The following KDM2A variants were observed in gnomAD, a reference collection of about 807,000 sequenced individuals.
The protein encoded by KDM2A is lysine-specific demethylase 2A.
Under a neutral mutation model 137.3 loss-of-function variants are expected in KDM2A, and 3 were observed. The observed-to-expected ratio is 0.02, with a 90% CI of 0.01 to 0.06. The LOEUF is 0.06. Among genes scored for constraint, KDM2A ranks in the 10% least tolerant of loss-of-function variants. The pLI is 1.00. For missense variants in KDM2A, 738 were observed against 1,510.6 expected (o/e 0.49, Z 8.48); for synonymous variants, 512 against 541.5 (o/e 0.95, Z 0.76).
At position 67,240,228 on chromosome 11, in the gene KDM2A, G is replaced by C. The variant is rs768241136; in HGVS notation, c.1480-2781G>C. On this transcript the variant is annotated intron_variant, in intron 12 of 20. Coordinates refer to ENST00000529006, the MANE Select transcript of KDM2A (RefSeq NM_012308.3). ...GCCCTATGTGCTCTGGGAGATTCCA[G>C]AATATTCAAGTAAATCCGGATTTTC... 70 of 1,535,480 alleles carry C rather than the reference G, an allele frequency of 4.6e-5. No homozygotes were observed. In the South Asian group the frequency reaches 7.7e-4, roughly 17 times the overall value.
intron 2 of KDM2A, among the ~76,000 whole-genome samples, chr11:67,155,804 C>T (rs908651013): frequency 9.3e-5 from 14 of 150,086 alleles, no homozygotes; most frequent in Admixed American, 6.0e-4. Context: ...TTAGTATAGA[C>T]GGGGTTTCTC....
rs921321640 is a variant in KDM2A, at chr11:67,192,433, C to CTTTTTTTTTTT, written c.307+10559_307+10569dup. Among the ~76,000 whole-genome samples the CTTTTTTTTTTT allele has an allele frequency of 1.4e-4, 10 of 70,558 alleles. 1 individual carries two copies. The highest frequency in any genetic ancestry group is 2.6e-4 in the Non-Finnish European group (9 of 35,240). The allele number at this position is 70,558 out of a possible 152,430, so 46.3% of individuals were successfully genotyped here. ...ATGGACATTTACTTTGTTTCCATTT[C>CTTTTTTTTTTT]TTTTTTTTTTTTTTTTTTTTTTTTT... On this transcript the variant is annotated intron_variant, in intron 5 of 20. Transcript: ENST00000529006.
At chr11:67,243,132 C>T (rs377089276) in intron 13 of KDM2A, 40 bp downstream of exon 13, 1 of 1,460,476 alleles carries the variant, frequency 6.8e-7, no homozygotes, top group Non-Finnish European at 9.6e-7. Context: ...CTGCTTAAGC[C>T]TTTTGTTAGT....
At chr11:67,157,484 C>CTT (rs1004570970) in intron 2 of KDM2A, among the ~76,000 whole-genome samples, 2 of 151,808 alleles carry the variant, frequency 1.3e-5, no homozygotes, top group Admixed American at 1.3e-4. Flanking sequence ...GTGGCTCACG[C>CTT]TTGTAATCCT....
intron 2 of KDM2A, among the ~76,000 whole-genome samples, chr11:67,179,757 C>T (rs1236027604): frequency 6.6e-6 from 1 of 152,160 alleles, no homozygotes; most frequent in Non-Finnish European, 1.5e-5. Context: ...AGTTTGTGCC[C>T]ACTCTGATAA....
At chr11:67,181,453 G>A (rs1275367295) in intron 4 of KDM2A, 55 bp downstream of exon 4, 2 of 1,200,160 alleles carry the variant, frequency 1.7e-6, no homozygotes, top group East Asian at 4.8e-5. Flanking sequence ...GTTACACCCA[G>A]GGCAATAAAC....
intron 2 of KDM2A, among the ~76,000 whole-genome samples, chr11:67,130,478 G>A (rs540137790): frequency 1.3e-5 from 2 of 152,230 alleles, no homozygotes; most frequent in South Asian, 2.1e-4. Context: ...GTCCTAAACT[G>A]TGCCTAGGTT....
chr11:67,143,860 T>C (rs1856180356), intron 2 of KDM2A, among the ~76,000 whole-genome samples: 2 of 152,100 alleles, frequency 1.3e-5, no homozygotes, highest in African/African-American at 4.8e-5. Context: ...TCAAACTCTT[T>C]ACTTCAAGTG....
chr11:67,212,427 A>G (rs561610872), intron 6 of KDM2A, among the ~76,000 whole-genome samples: 2 of 152,320 alleles, frequency 1.3e-5, no homozygotes, highest in South Asian at 2.1e-4. Context: ...CATTCCAGCA[A>G]TAACTGAGAG....
At chr11:67,238,857 A>T (rs1262496938) in intron 12 of KDM2A, among the ~76,000 whole-genome samples, 1 of 152,190 alleles carries the variant, frequency 6.6e-6, no homozygotes, top group Non-Finnish European at 1.5e-5. Context: ...TTTGATTCCT[A>T]CTCAGGTTCT....
chr11:67,122,884 C>G (rs995087663), intron 2 of KDM2A, among the ~76,000 whole-genome samples: 32 of 151,440 alleles, frequency 2.1e-4, no homozygotes, highest in Non-Finnish European at 4.3e-4. Flanking sequence ...ACTGTGTTAG[C>G]CAGGATGGTC....
At chr11:67,223,852 T>G (rs1858447486) in intron 10 of KDM2A, among the ~76,000 whole-genome samples, 1 of 152,184 alleles carries the variant, frequency 6.6e-6, no homozygotes, top group Admixed American at 6.6e-5. Flanking sequence ...AGAGGCGTAG[T>G]GTATTATATT....
At chr11:67,153,232 G>T (rs1243531514) in intron 2 of KDM2A, among the ~76,000 whole-genome samples, 1 of 152,040 alleles carries the variant, frequency 6.6e-6, no homozygotes, top group African/African-American at 2.4e-5. Flanking sequence ...TGATCGACCC[G>T]CCTCGGCCTC....
chr11:67,191,348 C>T (rs1242205097), intron 5 of KDM2A, among the ~76,000 whole-genome samples: 2 of 152,106 alleles, frequency 1.3e-5, no homozygotes, highest in African/African-American at 4.8e-5. Context: ...TTAAGTCTTT[C>T]TGTGAGGCCA....
chr11:67,138,199 A>G (rs1186243498), intron 2 of KDM2A, among the ~76,000 whole-genome samples: 3 of 152,150 alleles, frequency 2.0e-5, no homozygotes, highest in Admixed American at 2.0e-4. Flanking sequence ...CTTTTTACCT[A>G]GTAAGAGTAG....
At chr11:67,142,891 T>C (rs912691326) in intron 2 of KDM2A, among the ~76,000 whole-genome samples, 1 of 151,980 alleles carries the variant, frequency 6.6e-6, no homozygotes, top group Non-Finnish European at 1.5e-5. Flanking sequence ...ATTGCCAAGC[T>C]TCAACAATTA....
chr11:67,163,025 T>C (rs531283532), intron 2 of KDM2A, among the ~76,000 whole-genome samples: 7 of 152,346 alleles, frequency 4.6e-5, no homozygotes, highest in Non-Finnish European at 1.0e-4. Flanking sequence ...TTCTTTTTCT[T>C]AAAGTTAGGA....
intron 2 of KDM2A, among the ~76,000 whole-genome samples, chr11:67,127,165 A>C (rs539544850): frequency 6.6e-6 from 1 of 152,270 alleles, no homozygotes; most frequent in Admixed American, 6.5e-5. Flanking sequence ...TGGTGTGATC[A>C]TTCCTCTTTG....
chr11:67,169,380 C>CTTT (rs1169905276), intron 2 of KDM2A, among the ~76,000 whole-genome samples: 1 of 132,644 alleles, frequency 7.5e-6, no homozygotes. Context: ...CTTTCTTTTT[C>CTTT]TTTTTTTTTT....
Sources: gnomAD v4.1 joint callset for allele counts (sites outside exome capture counted in the v4.1 genomes callset) on GRCh38, gnomAD v4.1.1 for gene constraint, MANE v1.5 for transcripts, NCBI Gene and HGNC (gene_info 2026-07-23, HGNC 2026-07-21) for gene names.